APPBP2: variants seen among roughly 807,000 people sequenced by gnomAD.
APPBP2 encodes the protein amyloid protein-binding protein 2.
A neutral mutation model predicts 76.0 loss-of-function variants in APPBP2; 15 were observed. The ratio of observed to expected loss-of-function variants is 0.20; its 90% CI spans 0.13 to 0.30. The LOEUF is 0.30. Among genes scored for constraint, APPBP2 ranks in the 10% least tolerant of loss-of-function variants. APPBP2 has a pLI of 1.00. For missense variants in APPBP2, 401 were observed against 687.2 expected (o/e 0.58, Z 4.66); for synonymous variants, 222 against 242.2 (o/e 0.92, Z 0.77).
intron 3 of APPBP2, among the ~76,000 whole-genome samples, chr17:60,486,511 G>A (rs1462682757): frequency 1.3e-5 from 2 of 152,090 alleles, no homozygotes; most frequent in Non-Finnish European, 2.9e-5. Context: ...GACTAGGATT[G>A]CAACCCCTGC....
intron 3 of APPBP2, among the ~76,000 whole-genome samples, chr17:60,492,606 A>G (rs2090739006): frequency 6.6e-6 from 1 of 152,058 alleles, no homozygotes; most frequent in African/African-American, 2.4e-5. Context: ...TGATTTGACT[A>G]CTCCACTGGA....
At position 60,466,494 on chromosome 17, in the gene APPBP2, T is replaced by C. The variant is rs189696372; in HGVS notation, c.504-35A>G. The C allele has an allele frequency of 2.9e-5, 47 of 1,595,636 alleles. No individual in the cohort carries two copies. In the Admixed American group the frequency reaches 6.1e-4, roughly 21 times the overall value. On this transcript the variant is annotated intron_variant, in intron 4 of 12. Transcript: ENST00000083182. ...ACCAATAACATTGCTCTATTTTTGATATTTTCAGCTTGGTAGACCTGATGA... is the reference window on the plus strand; with the variant it reads ...ACCAATAACATTGCTCTATTTTTGACATTTTCAGCTTGGTAGACCTGATGA...
In APPBP2 at chr17:60,454,420, T is replaced by C. The variant is rs1386714000; in HGVS notation, c.1220A>G (p.His407Arg). The change falls in exon 11 of 13, where the codon CAT (histidine) becomes CGT (arginine). Residue 407 changes from histidine to arginine, a missense_variant. By Grantham distance (29) the His-to-Arg change is conservative. Coordinates refer to ENST00000083182, the MANE Select transcript of APPBP2 (RefSeq NM_006380.5). ...TTGGAGTGAAGACAGGTGCAAATCA[T>C]GAGCTTCTTGAAGCAGCCTCTGTTC... ...ETEQRLLQEA[H>R]DLHLSSLQLA... The C allele has an allele frequency of 2.5e-6, 4 of 1,612,490 alleles. No individual in the cohort carries two copies. The highest frequency in any genetic ancestry group is 1.3e-5 in the African/African-American group (1 of 74,874).
intron 4 of APPBP2, among the ~76,000 whole-genome samples, chr17:60,473,097 T>C (rs559067427): frequency 6.6e-6 from 1 of 152,360 alleles, no homozygotes; most frequent in African/African-American, 2.4e-5. Flanking sequence ...ATTGTGATGA[T>C]AATTATATTT....
chr17:60,488,609 C>CT (rs2090700501), intron 3 of APPBP2, among the ~76,000 whole-genome samples: 1 of 152,030 alleles, frequency 6.6e-6, no homozygotes, highest in Admixed American at 6.6e-5. Context: ...TCTGGTATGA[C>CT]TTTTTCCTCT....
chr17:60,507,232 T>C (rs962399627), intron 1 of APPBP2, among the ~76,000 whole-genome samples: 1 of 151,830 alleles, frequency 6.6e-6, no homozygotes, highest in Non-Finnish European at 1.5e-5. Context: ...TTTTCTTTTT[T>C]TTTTTTTGAG....
Position 60,460,803 on chromosome 17 carries a change from A to C in APPBP2, c.937-16T>G. ...CAAGGGCTGCCTGAAAGAATCATAA[A>C]AATATTTGTCAATACTGTAGAAAAT... On this transcript the variant is annotated splice_polypyrimidine_tract_variant and intron_variant, in intron 8 of 12. Coordinates refer to ENST00000083182, the MANE Select transcript of APPBP2 (RefSeq NM_006380.5). The C allele has an allele frequency of 6.2e-7, 1 of 1,608,970 alleles. No individual in the cohort carries two copies. Among genetic ancestry groups the C allele is most frequent in the Admixed American group, 1.7e-5 (1 of 58,724 alleles).
At chr17:60,464,218 A>G in intron 5 of APPBP2, 108 bp from the exon 6 acceptor site, 1 of 722,298 alleles carries the variant, frequency 1.4e-6, no homozygotes, top group Non-Finnish European at 2.4e-6. Flanking sequence ...AAGAACACAC[A>G]CAAAATATTT....
rs1208963819 is a variant in APPBP2, at chr17:60,446,876, G to A, written c.*705C>T. On this transcript the variant is annotated 3_prime_UTR_variant, in exon 13 of 13. Transcript: ENST00000083182. The stretch of plus-strand genomic sequence containing the variant: ...AGGCTGGTCCTTTTTAGATCCTCCT[G>A]GTCCTGTTAGCAAATGCTATCAGAG... 2 of 152,048 alleles carry A rather than the reference G, an allele frequency of 1.3e-5. No homozygotes were observed. The highest frequency in any genetic ancestry group is 2.9e-5 in the Non-Finnish European group (2 of 68,016). 9.4% of individuals were successfully genotyped at this position (152,048 alleles called of 1,614,324 possible).
At chr17:60,463,918 G>A (rs2090492597) in intron 6 of APPBP2, 103 bp downstream of exon 6, 19 of 739,532 alleles carry the variant, frequency 2.6e-5, no homozygotes, top group Middle Eastern at 3.9e-4. Context: ...CTATGCCTAC[G>A]GAGTGTACAA....
In APPBP2 at chr17:60,454,365, A is replaced by G. The variant is rs1281146098; in HGVS notation, c.1275T>C (p.Asn425=). 1 of 1,611,516 alleles carries G rather than the reference A, an allele frequency of 6.2e-7. No individual in the cohort carries two copies. Among genetic ancestry groups the G allele is most frequent in the South Asian group, 1.1e-5 (1 of 90,564 alleles). The change falls in exon 11 of 13, where the codon AAT becomes AAC. Residue 425 remains asparagine, a synonymous_variant. Coordinates refer to ENST00000083182, the MANE Select transcript of APPBP2 (RefSeq NM_006380.5). The stretch of plus-strand genomic sequence containing the variant: ...TTCCATAGTGTTTTGCAGTCTGTAC[A>G]TTAAATTCCCCAAAAGCTTTTTTAG... ...QLAKKAFGEF[N]VQTAKHYGNL... is the part of the protein sequence containing the mutation.
chr17:60,498,059 C>T (rs149718339), intron 2 of APPBP2, among the ~76,000 whole-genome samples: 6 of 151,374 alleles, frequency 4.0e-5, no homozygotes, highest in Non-Finnish European at 8.8e-5. Flanking sequence ...CCCTGGAAGT[C>T]GAGGCTACAG....
chr17:60,495,441 TA>T (rs2090767312), intron 2 of APPBP2, among the ~76,000 whole-genome samples: 1 of 12,904 alleles, frequency 7.7e-5, no homozygotes, highest in Admixed American at 7.1e-4. Flanking sequence ...ATTTATTTAT[TA>T]TTTATTTATT....
In APPBP2 at chr17:60,513,525, T is replaced by C. The variant is rs192644248; in HGVS notation, c.138+12269A>G. 1.1e-4 allele frequency: 60 copies of C among 524,542 alleles called. No individual in the cohort carries two copies. In the Middle Eastern group the frequency reaches 1.9e-3, roughly 16 times the overall value. The allele number at this position is 524,542 out of a possible 1,614,324, so 32.5% of individuals were successfully genotyped here. ...ACAGCTGAAGCTTCTCACGGAGAAA[T>C]ATGGTTGTCAAGATAGATCCACCAA... On this transcript the variant is annotated intron_variant, in intron 1 of 12. Coordinates refer to ENST00000083182, the MANE Select transcript of APPBP2 (RefSeq NM_006380.5).
At chr17:60,494,238 T>C (rs2090754685) in intron 3 of APPBP2, among the ~76,000 whole-genome samples, 1 of 152,314 alleles carries the variant, frequency 6.6e-6, no homozygotes, top group African/African-American at 2.4e-5. Context: ...TGTTTCCTCA[T>C]TTGTAAAATG....
chr17:60,526,021 A>C lies in APPBP2; in HGVS notation c.-90T>G. 1 of 1,326,466 alleles carries C rather than the reference A, an allele frequency of 7.5e-7. No homozygotes were observed. The highest frequency in any genetic ancestry group is 1.4e-5 in the South Asian group (1 of 70,042). 82.2% of individuals were successfully genotyped at this position (1,326,466 alleles called of 1,614,324 possible). A position where few individuals can be genotyped will look rare whatever the true frequency, so the allele number is the denominator to read the frequency against. On this transcript the variant is annotated 5_prime_UTR_variant, in exon 1 of 13. Transcript: ENST00000083182. ...GCGAACCCCTCTGCGGCCCCGGAGG[A>C]TTCGGAGGGGCGGTGGCAGCCACGC...
intron 9 of APPBP2, among the ~76,000 whole-genome samples, chr17:60,458,353 G>C (rs1443399386): frequency 1.3e-5 from 2 of 151,764 alleles, no homozygotes; most frequent in East Asian, 3.9e-4. Flanking sequence ...AGAATCGCTT[G>C]AACCTGGGAG....
At position 60,446,500 on chromosome 17, in the gene APPBP2, A is replaced by C. The variant is rs2090348331; in HGVS notation, c.*1081T>G. ...TTATTTTTGGGCATTCATTTTCATT[A>C]ATCTCCATAAACCATACAGTAACCT... On this transcript the variant is annotated 3_prime_UTR_variant, in exon 13 of 13. Coordinates refer to ENST00000083182, the MANE Select transcript of APPBP2 (RefSeq NM_006380.5). The C allele has an allele frequency of 6.6e-6, 1 of 152,218 alleles. No homozygotes were observed. Among genetic ancestry groups the C allele is most frequent in the South Asian group, 2.1e-4 (1 of 4,836 alleles). 9.4% of individuals were successfully genotyped at this position (152,218 alleles called of 1,614,324 possible). A position where few individuals can be genotyped will look rare whatever the true frequency, so the allele number is the denominator to read the frequency against.
At chr17:60,485,581 ATTC>A (rs1234425886) in intron 3 of APPBP2, among the ~76,000 whole-genome samples, 10 of 151,764 alleles carry the variant, frequency 6.6e-5, no homozygotes, top group East Asian at 5.8e-4. Flanking sequence ...CATCTATTTG[ATTC>A]TTCTTTTCTT....
Sources: gnomAD v4.1 joint callset for allele counts (sites outside exome capture counted in the v4.1 genomes callset) on GRCh38, gnomAD v4.1.1 for gene constraint, MANE v1.5 for transcripts, NCBI Gene and HGNC (gene_info 2026-07-23, HGNC 2026-07-21) for gene names.